Variants in MTMR9 observed in about 807,000 individuals in gnomAD.
The protein encoded by MTMR9 is myotubularin related protein 9, also known as myotubularin-related protein 9.
In MTMR9, 39 loss-of-function variants were observed where a neutral mutation model predicts 69.5. That is an observed-to-expected ratio of 0.56 (90% CI 0.43 to 0.73). The LOEUF is 0.73. Among genes scored for constraint, MTMR9 ranks in the 30% least tolerant of loss-of-function variants. The pLI is 0.00. For missense variants in MTMR9, 900 were observed against 671.2 expected, an observed-to-expected ratio of 1.34 and a Z score of -3.77; for synonymous variants, 354 against 240.8, an observed-to-expected ratio of 1.47 and a Z score of -4.35.
chr8:11,305,819 C>T (rs919950081), intron 4 of MTMR9, among the ~76,000 whole-genome samples: 2 of 152,144 alleles, frequency 1.3e-5, no homozygotes, highest in African/African-American at 4.8e-5. Context: ...AACCTGCCAA[C>T]TCTATGTATG....
chr8:11,306,231 G>A lies in MTMR9; in HGVS notation c.633G>A (p.Gly211=), dbSNP rs746163931. The change falls in exon 5 of 10, where the codon GGG becomes GGA. Residue 211 remains glycine (G), a synonymous_variant. Coordinates refer to ENST00000221086, the MANE Select transcript of MTMR9 (RefSeq NM_015458.4). ...RSGQPLTGTN[G]RRCKEDEKLI... ...GTCAGCCACTCACTGGTACAAACGG[G>A]AGGAGGTGCAAGGAGGACGAGAAGC... 5.0e-6 allele frequency: 8 copies of A among 1,613,604 alleles called. No individual in the cohort carries two copies. The highest frequency in any genetic ancestry group is 6.8e-6 in the Non-Finnish European group (8 of 1,179,932).
At chr8:11,304,558 G>A (rs1799869761) in intron 3 of MTMR9, among the ~76,000 whole-genome samples, 1 of 152,220 alleles carries the variant, frequency 6.6e-6, no homozygotes. Context: ...TGAAAGTACA[G>A]TAAAAACCAA....
intron 1 of MTMR9, among the ~76,000 whole-genome samples, chr8:11,285,962 TTTTTTTTTG>T (rs1281130575): frequency 2.1e-5 from 3 of 142,300 alleles, no homozygotes; most frequent in Admixed American, 6.9e-5. Context: ...TTTTTTTTTT[TTTTTTTTTG>T]GAGACGAAAT....
chr8:11,305,470 G>A (rs1799905108), intron 4 of MTMR9, among the ~76,000 whole-genome samples: 1 of 152,216 alleles, frequency 6.6e-6, no homozygotes, highest in Non-Finnish European at 1.5e-5. Flanking sequence ...GTAAACACTG[G>A]AGTCAGGATT....
chr8:11,288,346 TTA>T (rs530633207), intron 1 of MTMR9, among the ~76,000 whole-genome samples: 1 of 139,896 alleles, frequency 7.1e-6, no homozygotes, highest in African/African-American at 2.6e-5. Flanking sequence ...TATAATATAT[TTA>T]TATATATATA....
At chr8:11,331,528 G>T, downstream of MTMR9, 1 of 1,613,906 alleles carries the variant, frequency 6.2e-7, no homozygotes, top group Non-Finnish European at 8.5e-7. Context: ...TCCACCGTAT[G>T]CTCCGCTGTC....
intron 6 of MTMR9, among the ~76,000 whole-genome samples, chr8:11,314,401 G>C (rs1435276): frequency 2.0e-5 from 3 of 151,850 alleles, no homozygotes; most frequent in Non-Finnish European, 4.4e-5. Context: ...TCCTGTTGTC[G>C]TGTTTCTCAA....
chr8:11,327,864 T>C lies in MTMR9; in HGVS notation c.*5076T>C, dbSNP rs895714814. ...CTTAGGGAAAAAAAAAAGCAGAACT[T>C]TTGTAAGTCTGTGTAACATTTTAAT... On this transcript the variant is annotated 3_prime_UTR_variant, in exon 10 of 10. Transcript: ENST00000221086. The C allele has an allele frequency of 6.6e-6, 1 of 152,560 alleles. No homozygotes were observed. Among genetic ancestry groups the C allele is most frequent in the African/African-American group, 2.4e-5 (1 of 41,432 alleles). 9.5% of individuals were successfully genotyped at this position (152,560 alleles called of 1,614,324 possible).
chr8:11,332,578 G>A (rs1052471398), downstream of MTMR9, among the ~76,000 whole-genome samples: 2 of 150,492 alleles, frequency 1.3e-5, no homozygotes, highest in Admixed American at 6.6e-5. Flanking sequence ...AGAAGGGTTC[G>A]ATAGAGTTTG....
intron 3 of MTMR9, among the ~76,000 whole-genome samples, chr8:11,301,831 T>A (rs1008251384): frequency 1.3e-5 from 2 of 152,156 alleles, no homozygotes; most frequent in Admixed American, 6.5e-5. Context: ...AATAAGTGAT[T>A]TGAAATATAG....
intron 2 of MTMR9, chr8:11,298,787 G>A (rs1455937038): frequency 1.0e-6 from 1 of 974,026 alleles, no homozygotes; most frequent in Non-Finnish European, 1.2e-6. Flanking sequence ...GGATGAATCT[G>A]CCTAGTGATA....
chr8:11,314,778 C>T (rs1304530133), intron 6 of MTMR9, 145 bp from the exon 7 acceptor site: 2 of 640,260 alleles, frequency 3.1e-6, no homozygotes, highest in Non-Finnish European at 2.6e-6. Context: ...CTCTACAAGT[C>T]AGAGCAGAAT....
chr8:11,312,841 T>G (rs1481958019), intron 6 of MTMR9, among the ~76,000 whole-genome samples: 3 of 152,228 alleles, frequency 2.0e-5, no homozygotes, highest in Non-Finnish European at 4.4e-5. Flanking sequence ...AGATGTTGTT[T>G]TAGCAGGCAG....
At chr8:11,285,562 C>T (rs1799118126) in intron 1 of MTMR9, among the ~76,000 whole-genome samples, 3 of 152,074 alleles carry the variant, frequency 2.0e-5, no homozygotes, top group Admixed American at 1.3e-4. Flanking sequence ...TTATTTCTTA[C>T]CTTCTGGGTC....
At chr8:11,338,014 T>C in the MTMR9 span, among the ~76,000 whole-genome samples, 1 of 152,248 alleles carries the variant, frequency 6.6e-6, no homozygotes, top group East Asian at 1.9e-4. Context: ...TTGGCTAATA[T>C]GTCCAAGGAG....
At chr8:11,330,312 G>A (rs532561020), downstream of MTMR9, among the ~76,000 whole-genome samples, 18 of 150,132 alleles carry the variant, frequency 1.2e-4, no homozygotes, top group Admixed American at 9.9e-4. Context: ...GCCCCCACCC[G>A]GCCAGCTGCC....
chr8:11,298,700 T>G lies in MTMR9; in HGVS notation c.292-1323T>G, dbSNP rs957667648. ...GCAGTTTGAATTATGCTAATTGATA[T>G]GGTATCCTTTCCCCGCTGCACCCCC... On this transcript the variant is annotated intron_variant, in intron 2 of 9. Transcript: ENST00000221086. 5 of 895,352 alleles carry G rather than the reference T, an allele frequency of 5.6e-6. No individual in the cohort carries two copies. In the Admixed American group the frequency reaches 3.2e-4, roughly 57 times the overall value. 55.5% of individuals were successfully genotyped at this position (895,352 alleles called of 1,614,324 possible).
intron 1 of MTMR9, 95 bp downstream of exon 1, chr8:11,285,165 G>A: frequency 7.9e-7 from 1 of 1,263,042 alleles, no homozygotes; most frequent in Non-Finnish European, 1.1e-6. Context: ...GCAGCCTGCC[G>A]CCCAGCTAGC....
rs191052502 is a variant in MTMR9, at chr8:11,288,553, A to G, written c.182+3483A>G. ...GGGAAGAGCATTGCAGCCAGAGGGA[A>G]CAGCGAATACAAAGACTTGAGATGG... On this transcript the variant is annotated intron_variant, in intron 1 of 9. Transcript: ENST00000221086. Among the ~76,000 whole-genome samples, 439 of 152,080 alleles carry G rather than the reference A, an allele frequency of 2.9e-3. 1 individual carries two copies. Among genetic ancestry groups the G allele is most frequent in the African/African-American group, 0.01 (432 of 41,490 alleles).
Sources: gnomAD v4.1 joint callset for allele counts (sites outside exome capture counted in the v4.1 genomes callset) on GRCh38, gnomAD v4.1.1 for gene constraint, MANE v1.5 for transcripts, NCBI Gene and HGNC (gene_info 2026-07-23, HGNC 2026-07-21) for gene names.